WDFY2: variants seen among roughly 807,000 people sequenced by gnomAD.
WDFY2 encodes WD repeat and FYVE domain containing 2.
WDFY2 carries 36 observed loss-of-function variants against 56.4 expected under a neutral mutation model. That is an observed-to-expected ratio of 0.64 (90% CI 0.49 to 0.84). The LOEUF is 0.84. WDFY2 is among the 40% of genes least tolerant of loss of function. The probability of loss-of-function intolerance (pLI) is 0.00; values close to 1 mark genes in which losing one functional copy is unlikely to be tolerated. For missense variants in WDFY2, 444 were observed against 512.2 expected (o/e 0.87, Z 1.29); for synonymous variants, 176 against 183.7 (o/e 0.96, Z 0.34).
intron 3 of WDFY2, among the ~76,000 whole-genome samples, chr13:51,691,127 T>C (rs1956147433): frequency 6.6e-6 from 1 of 151,994 alleles, no homozygotes; most frequent in Non-Finnish European, 1.5e-5. Flanking sequence ...TTGCGAAAAT[T>C]TTCTCCCATT....
chr13:51,598,180 T>G (rs939494190), intron 1 of WDFY2, among the ~76,000 whole-genome samples: 1 of 152,046 alleles, frequency 6.6e-6, no homozygotes, highest in Non-Finnish European at 1.5e-5. Context: ...GCCAACATGG[T>G]GAAACCCTGT....
intron 2 of WDFY2, among the ~76,000 whole-genome samples, chr13:51,670,488 T>TGCGCGC (rs961360980): frequency 1.0e-3 from 92 of 92,106 alleles, no homozygotes; most frequent in African/African-American, 3.6e-3. Context: ...TGTGCGCACA[T>TGCGCGC]GCACACACAC....
intron 3 of WDFY2, among the ~76,000 whole-genome samples, chr13:51,680,743 C>A (rs974371228): frequency 6.6e-6 from 1 of 152,180 alleles, no homozygotes; most frequent in Non-Finnish European, 1.5e-5. Flanking sequence ...AAAGGATCTT[C>A]TTCTGCAGCT....
At chr13:51,635,234 C>T (rs1019239712) in intron 1 of WDFY2, among the ~76,000 whole-genome samples, 1 of 152,128 alleles carries the variant, frequency 6.6e-6, no homozygotes, top group Non-Finnish European at 1.5e-5. Flanking sequence ...TGAGCTACTG[C>T]ACCCCCGGCA....
At chr13:51,756,571 T>G in intron 10 of WDFY2, 109 bp downstream of exon 10, 1 of 1,450,266 alleles carries the variant, frequency 6.9e-7, no homozygotes, top group South Asian at 1.5e-5. Flanking sequence ...TCTGCTGGTT[T>G]AGAATATAGT....
intron 1 of WDFY2, among the ~76,000 whole-genome samples, chr13:51,654,358 G>A (rs1366567077): frequency 3.3e-5 from 5 of 152,152 alleles, no homozygotes; most frequent in African/African-American, 1.2e-4. Flanking sequence ...TCCCGGGTGA[G>A]GTGATGCCTT....
rs76297692 is a variant in WDFY2 at position 51,698,556 on chromosome 13, G to C, written c.280-5040G>C. On this transcript the variant is annotated intron_variant, in intron 3 of 11. Coordinates refer to ENST00000298125, the MANE Select transcript of WDFY2 (RefSeq NM_052950.4). ...GTTTAGGTAAGTCAACAACAAATACGGTGTTAAATGCTGCAATAGCATACT... is the reference window on the plus strand; with the variant it reads ...GTTTAGGTAAGTCAACAACAAATACCGTGTTAAATGCTGCAATAGCATACT... 4.9e-3 allele frequency among the ~76,000 whole-genome samples: 752 copies of C among 152,160 alleles called. 5 individuals carry two copies. The highest frequency in any genetic ancestry group is 0.014 in the African/African-American group (590 of 41,502).
intron 4 of WDFY2, among the ~76,000 whole-genome samples, chr13:51,710,612 G>A (rs1451350049): frequency 2.6e-5 from 4 of 152,116 alleles, no homozygotes; most frequent in Non-Finnish European, 4.4e-5. Context: ...AAATAAATGT[G>A]CAAAAATCAC....
rs1478463283 is a variant in WDFY2 at position 51,767,560 on chromosome 13, C to CAA, written c.*7792_*7793dup. On this transcript the variant is annotated 3_prime_UTR_variant, in exon 12 of 12. Transcript: ENST00000298125. ...CTAAATCTGCTCATTGGTTTTATTA[C>CAA]AACTTTTCCTGGAGTCACTAAGAGG... 1 of 152,672 alleles carries CAA rather than the reference C, an allele frequency of 6.5e-6. No individual in the cohort carries two copies. The highest frequency in any genetic ancestry group is 1.5e-5 in the Non-Finnish European group (1 of 68,486). 9.5% of individuals were successfully genotyped at this position (152,672 alleles called of 1,614,324 possible).
intron 4 of WDFY2, among the ~76,000 whole-genome samples, chr13:51,716,541 AAAT>A (rs1952350933): frequency 6.6e-6 from 1 of 151,220 alleles, no homozygotes; most frequent in Non-Finnish European, 1.5e-5. Flanking sequence ...AAATACAAAA[AAAT>A]TAGCCGGGCG....
intron 3 of WDFY2, among the ~76,000 whole-genome samples, chr13:51,686,849 A>G (rs1472361697): frequency 6.6e-6 from 1 of 151,952 alleles, no homozygotes; most frequent in African/African-American, 2.4e-5. Context: ...CTTAGCAATT[A>G]GCCTCTCTTT....
intron 1 of WDFY2, among the ~76,000 whole-genome samples, chr13:51,656,319 T>C (rs1288252180): frequency 6.6e-6 from 1 of 152,048 alleles, no homozygotes; most frequent in African/African-American, 2.4e-5. Flanking sequence ...CTTTTTGTTA[T>C]TGATTTTAGC....
intron 3 of WDFY2, among the ~76,000 whole-genome samples, chr13:51,676,071 G>C (rs1202321778): frequency 6.6e-6 from 1 of 152,092 alleles, no homozygotes; most frequent in Non-Finnish European, 1.5e-5. Context: ...GGGCTCAAGG[G>C]GATGTATGTG....
At chr13:51,636,696 T>C (rs921972558) in intron 1 of WDFY2, among the ~76,000 whole-genome samples, 7 of 152,196 alleles carry the variant, frequency 4.6e-5, no homozygotes, top group African/African-American at 1.7e-4. Flanking sequence ...TCTTTGTCTT[T>C]GGATCATGAT....
intron 10 of WDFY2, 182 bp downstream of exon 10, chr13:51,756,644 G>A: frequency 2.0e-6 from 2 of 985,332 alleles, no homozygotes; most frequent in Non-Finnish European, 2.4e-6. Flanking sequence ...TGTGAGATGA[G>A]AGAAGAGAAA....
At chr13:51,704,635 G>A (rs1593432657) in intron 4 of WDFY2, among the ~76,000 whole-genome samples, 1 of 152,122 alleles carries the variant, frequency 6.6e-6, no homozygotes, top group Non-Finnish European at 1.5e-5. Flanking sequence ...TCTGTCTCCT[G>A]TTTCAATCTT....
chr13:51,632,469 A>G (rs560906150), intron 1 of WDFY2, among the ~76,000 whole-genome samples: 1 of 152,084 alleles, frequency 6.6e-6, no homozygotes, highest in East Asian at 1.9e-4. Flanking sequence ...TTTCAGTCAT[A>G]ATTTCCCATT....
chr13:51,585,393 C>A (rs1469852193), intron 1 of WDFY2, among the ~76,000 whole-genome samples: 2 of 152,222 alleles, frequency 1.3e-5, no homozygotes, highest in African/African-American at 4.8e-5. Context: ...GCCTTCTTTC[C>A]TTTCCCCTCC....
At chr13:51,694,520 C>T (rs956321009) in intron 3 of WDFY2, among the ~76,000 whole-genome samples, 3 of 152,232 alleles carry the variant, frequency 2.0e-5, no homozygotes, top group African/African-American at 7.2e-5. Context: ...CCCCCAGCCT[C>T]TTCTGGCTTA....
Sources: allele counts gnomAD v4.1 joint callset (sites outside exome capture counted in the v4.1 genomes callset), GRCh38; gene constraint gnomAD v4.1.1; transcripts MANE v1.5; gene names NCBI Gene and HGNC (gene_info 2026-07-23, HGNC 2026-07-21).